LMF1: variants seen among roughly 807,000 people sequenced by gnomAD.
The protein encoded by LMF1 is lipase maturation factor 1.
LMF1 carries 68 observed loss-of-function variants against 60.6 expected under a neutral mutation model. The ratio of observed to expected loss-of-function variants is 1.12; its 90% confidence interval spans 0.92 to 1.37. The LOEUF is 1.37. Among genes scored for constraint, LMF1 ranks in the 40% most tolerant of loss-of-function variants. The pLI is 0.00. For synonymous variants in LMF1, 418 were observed against 324.7 expected, an observed-to-expected ratio of 1.29 and a Z score of -3.09; for missense variants, 948 against 767.2, an observed-to-expected ratio of 1.24 and a Z score of -2.78.
chr16:927,738 T>G (rs2071651270), intron 3 of LMF1, among the ~76,000 whole-genome samples: 1 of 152,184 alleles, frequency 6.6e-6, no homozygotes, highest in South Asian at 2.1e-4. Context: ...TAGGGCTTAA[T>G]AAAAACTTCC....
At chr16:926,521 C>T (rs2071610146) in intron 3 of LMF1, among the ~76,000 whole-genome samples, 1 of 152,246 alleles carries the variant, frequency 6.6e-6, no homozygotes, top group Non-Finnish European at 1.5e-5. Context: ...TGTTTGGGTA[C>T]AAATCTGAGT....
chr16:976,894 C>T (rs566013935), intron 1 of LMF1: 8 of 454,142 alleles, frequency 1.8e-5, no homozygotes, highest in South Asian at 3.1e-5. Flanking sequence ...TAGCTACTCC[C>T]GCCAGCGCGG....
intron 2 of LMF1, chr16:947,615 C>G (rs1035713630): frequency 6.6e-6 from 3 of 455,844 alleles, no homozygotes; most frequent in Non-Finnish European, 1.3e-5. Flanking sequence ...GGTGTCCTGA[C>G]TTTGGTCCAA....
upstream of LMF1, chr16:971,065 C>T: frequency 7.5e-7 from 1 of 1,326,328 alleles, no homozygotes; most frequent in East Asian, 3.0e-5. Context: ...CCCTGGCCGG[C>T]CCTGCCCACG....
At chr16:912,564 A>T (rs1440913710) in intron 3 of LMF1, among the ~76,000 whole-genome samples, 1 of 152,178 alleles carries the variant, frequency 6.6e-6, no homozygotes, top group Admixed American at 6.5e-5. Flanking sequence ...CTGGTCTCTG[A>T]ATGGACAGAC....
intron 1 of LMF1, among the ~76,000 whole-genome samples, chr16:963,862 TCAAC>T (rs2072867520): frequency 6.6e-6 from 1 of 152,050 alleles, no homozygotes; most frequent in South Asian, 2.1e-4. Context: ...AAAAACTATT[TCAAC>T]CTCTACTCAT....
intron 3 of LMF1, among the ~76,000 whole-genome samples, chr16:915,611 C>A (rs2071258114): frequency 6.6e-6 from 1 of 152,102 alleles, no homozygotes; most frequent in South Asian, 2.1e-4. Flanking sequence ...CACTCATGCA[C>A]CACCAGCCTT....
chr16:905,490 C>T (rs986818291), intron 4 of LMF1, among the ~76,000 whole-genome samples: 4 of 152,246 alleles, frequency 2.6e-5, no homozygotes, highest in African/African-American at 4.8e-5. Context: ...AATGTAGATA[C>T]GCTCAGCATT....
upstream of LMF1, among the ~76,000 whole-genome samples, chr16:972,209 G>A (rs1292281410): frequency 6.6e-6 from 1 of 151,864 alleles, no homozygotes; most frequent in Non-Finnish European, 1.5e-5. Flanking sequence ...CGTAGCATAC[G>A]TGTACATCTT....
At chr16:913,257 T>G (rs1436428629) in intron 3 of LMF1, among the ~76,000 whole-genome samples, 1 of 152,200 alleles carries the variant, frequency 6.6e-6, no homozygotes. Context: ...TCCGGGAGAC[T>G]GAGCACACCC....
At chr16:966,611 T>G (rs1328457721) in intron 1 of LMF1, among the ~76,000 whole-genome samples, 2 of 45,100 alleles carry the variant, frequency 4.4e-5, no homozygotes, top group South Asian at 2.3e-3. Context: ...CGTTCAGATA[T>G]ATATACTCCG....
intron 10 of LMF1, chr16:855,582 C>T: frequency 2.6e-6 from 1 of 390,194 alleles, no homozygotes; most frequent in East Asian, 7.3e-5. Context: ...GTCACAAGCT[C>T]CCGGCCCTCC....
chr16:963,230 G>C (rs902760609), intron 1 of LMF1, among the ~76,000 whole-genome samples: 19 of 152,100 alleles, frequency 1.2e-4, no homozygotes, highest in Non-Finnish European at 2.2e-4. Flanking sequence ...TCCACCACTG[G>C]GTGGAAGGGA....
chr16:940,990 C>T (rs1354240289), intron 2 of LMF1, among the ~76,000 whole-genome samples: 1 of 152,046 alleles, frequency 6.6e-6, no homozygotes, highest in African/African-American at 2.4e-5. Context: ...TATGTGGTGC[C>T]TTTATGTCTT....
At chr16:964,032 G>A (rs1476032147) in intron 1 of LMF1, 1 of 456,038 alleles carries the variant, frequency 2.2e-6, no homozygotes, top group East Asian at 7.0e-5. Flanking sequence ...CTCTCACAGG[G>A]ACCCAGAGCC....
At chr16:875,507 TTAAG>T (rs1460647917) in intron 6 of LMF1, among the ~76,000 whole-genome samples, 6 of 152,164 alleles carry the variant, frequency 3.9e-5, no homozygotes, top group Non-Finnish European at 8.8e-5. Flanking sequence ...CTCCATTTAC[TTAAG>T]TAACTCAGCA....
In LMF1 at chr16:954,029, C is replaced by G. The variant is rs568230207; in HGVS notation, c.503+328G>C. On this transcript the variant is annotated intron_variant, in intron 2 of 10. Transcript: ENST00000262301. ...TACACGTCCACACAGACACCCACCC[C>G]AAACCAGCCTCCTACACGTCCACAC... Among the ~76,000 whole-genome samples the G allele has an allele frequency of 8.2e-5, 10 of 122,152 alleles. 1 individual carries two copies. The highest frequency in any genetic ancestry group is 1.2e-4 in the African/African-American group (4 of 32,668). The allele number at this position is 122,152 out of a possible 152,430, so 80.1% of individuals were successfully genotyped here.
chr16:911,214 C>T, intron 3 of LMF1, 135 bp from the exon 4 acceptor site: 1 of 1,011,278 alleles, frequency 9.9e-7, no homozygotes, highest in Non-Finnish European at 1.5e-6. Flanking sequence ...CACCAGCCCG[C>T]ACGTATTAGT....
At chr16:969,966 C>T (rs926034067) in intron 1 of LMF1, among the ~76,000 whole-genome samples, 2 of 152,216 alleles carry the variant, frequency 1.3e-5, no homozygotes, top group Non-Finnish European at 2.9e-5. Flanking sequence ...CGTGAACTGA[C>T]TTTTCTCAGA....
Sources: allele counts gnomAD v4.1 joint callset (sites outside exome capture counted in the v4.1 genomes callset), GRCh38; gene constraint gnomAD v4.1.1; transcripts MANE v1.5; gene names NCBI Gene and HGNC (gene_info 2026-07-23, HGNC 2026-07-21).